Variants in CD320 observed in about 807,000 individuals in gnomAD.
The protein encoded by CD320 is CD320 molecule.
Under a neutral mutation model 22.1 loss-of-function variants are expected in CD320, and 16 were observed. The ratio of observed to expected loss-of-function variants is 0.73; its 90% CI spans 0.49 to 1.10. CD320 has a LOEUF of 1.10. Among genes scored for constraint, CD320 ranks in the 50% least tolerant of loss-of-function variants. The pLI is 0.00. For missense variants in CD320, 388 were observed against 376.9 expected (o/e 1.03, Z -0.24); for synonymous variants, 188 against 167.8 (o/e 1.12, Z -0.93).
intron 1 of CD320, chr19:8,305,360 G>A: frequency 1.8e-6 from 1 of 567,060 alleles, no homozygotes; most frequent in Non-Finnish European, 3.2e-6. Context: ...CCACTGGGCA[G>A]GTGCTACTGC....
rs754469537 is a variant in CD320 at position 8,302,931 on chromosome 19, A to AGG, written c.550_551dup (p.Val185LeufsTer2). On this transcript the variant is annotated frameshift_variant, in exon 4 of 5. Transcript: ENST00000301458. LOFTEE classifies it high-confidence loss of function. ...GAGAGGTGACACTCTCCAGGGTCACAGGGGGCCCCATGGTTGTGGCATCCC... is the reference window on the plus strand; with the variant it reads ...GAGAGGTGACACTCTCCAGGGTCACAGGGGGGGCCCCATGGTTGTGGCATCCC... 1 of 1,614,008 alleles carries AGG rather than the reference A, an allele frequency of 6.2e-7. No individual in the cohort carries two copies. Among genetic ancestry groups the AGG allele is most frequent in the African/African-American group, 1.3e-5 (1 of 74,916 alleles).
Position 8,303,104 on chromosome 19 carries a change from G to A in CD320, c.503-124C>T, listed in dbSNP as rs2878740. The stretch of plus-strand genomic sequence containing the variant: ...CCAGGCTGGGTGAAGCTGACTGCCC[G>A]TAATTATGTCTTTTTTTTTTTTTTT... On this transcript the variant is annotated intron_variant, in intron 3 of 4. Coordinates refer to ENST00000301458, the MANE Select transcript of CD320 (RefSeq NM_016579.4). 40,596 of 589,404 alleles carry A rather than the reference G, an allele frequency of 0.069. 3,137 individuals are homozygous for A. Among genetic ancestry groups the A allele is most frequent in the African/African-American group, 0.35 (16,124 of 46,486 alleles). 36.5% of individuals were successfully genotyped at this position (589,404 alleles called of 1,614,324 possible).
intron 1 of CD320, 188 bp from the exon 2 acceptor site, chr19:8,305,344 A>T: frequency 1.6e-6 from 1 of 635,344 alleles, no homozygotes; most frequent in Non-Finnish European, 2.7e-6. Flanking sequence ...CCTGGGCTCA[A>T]GAGCCCCACT....
chr19:8,303,114 C>CTT lies in CD320; in HGVS notation c.503-136_503-135dup, dbSNP rs909856646. ...TGAAGCTGACTGCCCGTAATTATGT[C>CTT]TTTTTTTTTTTTTTTTTTTGGAGAG... On this transcript the variant is annotated intron_variant, in intron 3 of 4. Coordinates refer to ENST00000301458, the MANE Select transcript of CD320 (RefSeq NM_016579.4). 8.2e-3 allele frequency: 4,246 copies of CTT among 516,072 alleles called. 1 individual carries two copies. Among genetic ancestry groups the CTT allele is most frequent in the East Asian group, 0.013 (389 of 30,072 alleles). The allele number at this position is 516,072 out of a possible 1,614,324, so 32.0% of individuals were successfully genotyped here.
At chr19:8,303,021 C>T in intron 3 of CD320, 41 bp from the exon 4 acceptor site, 1 of 1,576,224 alleles carries the variant, frequency 6.3e-7, no homozygotes, top group Non-Finnish European at 8.7e-7. Flanking sequence ...GGAGAGAGCA[C>T]TGAAGGCGTG....
chr19:8,302,794 C>A lies in CD320; in HGVS notation c.689G>T (p.Gly230Val). 2 of 1,614,184 alleles carry A rather than the reference C, an allele frequency of 1.2e-6. No homozygotes were observed. Among genetic ancestry groups the A allele is most frequent in the Non-Finnish European group, 1.7e-6 (2 of 1,180,034 alleles). Residue 230 changes from glycine to valine, a missense_variant, in exon 4 of 5, where the codon GGG (glycine) becomes GTG (valine). Gly to Val is a moderately radical substitution (Grantham distance 109). Coordinates refer to ENST00000301458, the MANE Select transcript of CD320 (RefSeq NM_016579.4). ...CCTCTTACCAGCAGCTGCAATAACC[C>A]CATAGGCAGTTGGGCTTCCAGACTG... ...GDQSGSPTAY[G>V]VIAAAAVLSA...
Position 8,305,020 on chromosome 19 carries a change from T to C in CD320, c.268+11A>G. ...CCCCTGTAAGCCCCGCCAAGGGGCGTGGCCACTCACTGCACTCCTCCTCAT... is the reference window on the plus strand; with the variant it reads ...CCCCTGTAAGCCCCGCCAAGGGGCGCGGCCACTCACTGCACTCCTCCTCAT... On this transcript the variant is annotated intron_variant, in intron 2 of 4. Transcript: ENST00000301458. The C allele has an allele frequency of 6.2e-7, 1 of 1,604,158 alleles. No individual in the cohort carries two copies. Among genetic ancestry groups the C allele is most frequent in the Non-Finnish European group, 8.5e-7 (1 of 1,179,550 alleles).
At position 8,303,964 on chromosome 19, in the gene CD320, G is replaced by A. The variant is rs1218868469; in HGVS notation, c.393C>T (p.Ala131=). 4.4e-6 allele frequency: 7 copies of A among 1,585,362 alleles called. No homozygotes were observed. The highest frequency in any genetic ancestry group is 6.0e-6 in the Non-Finnish European group (7 of 1,166,222). The change falls in exon 3 of 5, where the codon GCC becomes GCT. Residue 131 remains alanine, a synonymous_variant. Coordinates refer to ENST00000301458, the MANE Select transcript of CD320 (RefSeq NM_016579.4). ...TGCAACGGAGCTCGCCTGCTAGGCAGGCCAGGCGGCTGCAGTTGCGCAGTT... is the reference window on the plus strand; with the variant it reads ...TGCAACGGAGCTCGCCTGCTAGGCAAGCCAGGCGGCTGCAGTTGCGCAGTT... ...DKKLRNCSRL[A]CLAGELRCTL...
At position 8,304,052 on chromosome 19, in the gene CD320, G is replaced by T. The variant is rs767897892; in HGVS notation, c.305C>A (p.Pro102Gln). 5.8e-6 allele frequency: 9 copies of T among 1,551,010 alleles called. No homozygotes were observed. In the South Asian group the frequency reaches 1.1e-4, roughly 18 times the overall value. The stretch of plus-strand genomic sequence containing the variant: ...GCAGGGGCAGGGGAGGCCAGGGGGC[G>T]GTGGGCATTGCCCTTTCTGGGTACA... Reference protein sequence around the residue: ...EPCTQKGQCPPPPGLPCPCTG... With the variant: ...EPCTQKGQCPQPPGLPCPCTG... Residue 102 changes from proline to glutamine, a missense_variant, in exon 3 of 5, where the codon CCG becomes CAG. Coordinates refer to ENST00000301458, the MANE Select transcript of CD320 (RefSeq NM_016579.4).
Position 8,302,358 on chromosome 19 carries a change from T to C in CD320, c.*105A>G. ...CGAGGTTCCACGTGGCCAGAAGAGC[T>C]CAGGTCTCTGAGGGCTGGTGTGCCC... On this transcript the variant is annotated 3_prime_UTR_variant, in exon 5 of 5. Coordinates refer to ENST00000301458, the MANE Select transcript of CD320 (RefSeq NM_016579.4). 7.0e-7 allele frequency: 1 copy of C among 1,432,120 alleles called. No homozygotes were observed. Among genetic ancestry groups the C allele is most frequent in the Non-Finnish European group, 9.8e-7 (1 of 1,021,324 alleles). The allele number at this position is 1,432,120 out of a possible 1,614,324, so 88.7% of individuals were successfully genotyped here.
intron 2 of CD320, chr19:8,304,704 T>C (rs1253161509): frequency 9.2e-6 from 2 of 218,332 alleles, no homozygotes; most frequent in Non-Finnish European, 9.2e-6. Flanking sequence ...TTTTTCTTTT[T>C]CTTTTTTTTT....
chr19:8,305,034 ACTC>A lies in CD320; in HGVS notation c.262_264del (p.Glu88del), dbSNP rs150384171. On this transcript the variant is annotated inframe_deletion, in exon 2 of 5. Transcript: ENST00000301458. Reference sequence around the variant, plus strand: ...GCCAAGGGGCGTGGCCACTCACTGCACTCCTCCTCATCGCTGCCATCGCTGCAG... The same window carrying A: ...GCCAAGGGGCGTGGCCACTCACTGCACTCCTCATCGCTGCCATCGCTGCAG... 17,151 of 1,606,154 alleles carry A rather than the reference ACTC, an allele frequency of 0.011. 102 individuals carry two copies. The highest frequency in any genetic ancestry group is 0.014 in the Admixed American group (833 of 59,926).
chr19:8,302,786 C>T lies in CD320; in HGVS notation c.697G>A (p.Ala233Thr). The T allele has an allele frequency of 6.2e-7, 1 of 1,614,160 alleles. No individual in the cohort carries two copies. Among genetic ancestry groups the T allele is most frequent in the Non-Finnish European group, 8.5e-7 (1 of 1,180,012 alleles). Residue 233 changes from alanine (A) to threonine (T), a missense_variant, in exon 4 of 5, where the codon GCA (alanine) becomes ACA (threonine). Coordinates refer to ENST00000301458, the MANE Select transcript of CD320 (RefSeq NM_016579.4). ...GGTAAGTCCCTCTTACCAGCAGCTG[C>T]AATAACCCCATAGGCAGTTGGGCTT... ...SGSPTAYGVI[A>T]AAAVLSASLV...
At chr19:8,306,355 C>G (rs1479415442) in intron 1 of CD320, among the ~76,000 whole-genome samples, 1 of 152,158 alleles carries the variant, frequency 6.6e-6, no homozygotes, top group Non-Finnish European at 1.5e-5. Context: ...TAAGTGGACA[C>G]AGGTCACATA....
chr19:8,304,144 C>T lies in CD320; in HGVS notation c.269-56G>A. 8 of 885,466 alleles carry T rather than the reference C, an allele frequency of 9.0e-6. No homozygotes were observed. In the South Asian group the frequency reaches 1.0e-4, roughly 11 times the overall value. The allele number at this position is 885,466 out of a possible 1,614,324, so 54.9% of individuals were successfully genotyped here. ...GCCCACCCAAGAAGGCCCAGGTACT[C>T]CCTGAAACCCCATCCCCTGCAAGCC... On this transcript the variant is annotated intron_variant, in intron 2 of 4. Coordinates refer to ENST00000301458, the MANE Select transcript of CD320 (RefSeq NM_016579.4).
chr19:8,302,329 G>C lies in CD320; in HGVS notation c.*134C>G. ...CCAGGGCCACTTCTGCAGGAGCTCGGGTTCGAGGTTCCACGTGGCCAGAAG... is the reference window on the plus strand; with the variant it reads ...CCAGGGCCACTTCTGCAGGAGCTCGCGTTCGAGGTTCCACGTGGCCAGAAG... On this transcript the variant is annotated 3_prime_UTR_variant, in exon 5 of 5. Coordinates refer to ENST00000301458, the MANE Select transcript of CD320 (RefSeq NM_016579.4). 1 of 1,094,420 alleles carries C rather than the reference G, an allele frequency of 9.1e-7. No homozygotes were observed. 67.8% of individuals were successfully genotyped at this position (1,094,420 alleles called of 1,614,324 possible).
At chr19:8,306,303 G>A (rs1049832941) in intron 1 of CD320, among the ~76,000 whole-genome samples, 14 of 152,176 alleles carry the variant, frequency 9.2e-5, no homozygotes, top group Admixed American at 3.9e-4. Context: ...TGGAGGTCAG[G>A]GCTGTGACCT....
rs377468566 is a variant in CD320, at chr19:8,302,583, G to A, written c.729C>T (p.Val243=). 18 of 1,613,668 alleles carry A rather than the reference G, an allele frequency of 1.1e-5. No homozygotes were observed. The highest frequency in any genetic ancestry group is 1.4e-5 in the Non-Finnish European group (17 of 1,179,924). Residue 243 remains valine (V), a synonymous_variant, in exon 5 of 5, where the codon GTC becomes GTT. Transcript: ENST00000301458. ...AGGACAAAAGGAGGAGGGTGGCGGT[G>A]ACCAGGCTTGCACTGAGCACCGCTG... ...AAAAVLSASL[V]TATLLLLSWL...
In CD320 at chr19:8,308,318, CGCT is replaced by C. The variant is rs1970129297; in HGVS notation, c.-31_-29del. The C allele has an allele frequency of 6.3e-7, 1 of 1,579,356 alleles. No individual in the cohort carries two copies. The highest frequency in any genetic ancestry group is 8.5e-7 in the Non-Finnish European group (1 of 1,170,196). The stretch of plus-strand genomic sequence containing the variant: ...TGTCCCCACAGCGGCGCCGGCCACG[CGCT>C]GTCCAGACCGCTCTCTTATCCCTGC... On this transcript the variant is annotated 5_prime_UTR_variant, in exon 1 of 5. Transcript: ENST00000301458.
Sources: allele counts gnomAD v4.1 joint callset (sites outside exome capture counted in the v4.1 genomes callset), GRCh38; gene constraint gnomAD v4.1.1; transcripts MANE v1.5; gene names NCBI Gene and HGNC (gene_info 2026-07-23, HGNC 2026-07-21).